The following MTERF3 variants were observed in gnomAD, a reference collection of about 807,000 sequenced individuals.
MTERF3 encodes the protein transcription termination factor 3, mitochondrial.
MTERF3 carries 40 observed loss-of-function variants against 40.5 expected under a neutral mutation model. That is an observed-to-expected ratio of 0.99 (90% confidence interval 0.77 to 1.29). The LOEUF is 1.29. Ranked by LOEUF, MTERF3 falls within the 50% of genes most tolerant of loss-of-function variation. MTERF3 has a pLI of 0.00. For synonymous variants in MTERF3, 158 were observed against 166.6 expected (o/e 0.95, Z 0.40); for missense variants, 452 against 478.2 (o/e 0.95, Z 0.51).
intron 7 of MTERF3, among the ~76,000 whole-genome samples, chr8:96,242,723 G>T (rs1455660694): frequency 6.6e-6 from 1 of 152,098 alleles, no homozygotes; most frequent in Non-Finnish European, 1.5e-5. Flanking sequence ...AATCACTGTA[G>T]GAGCTCTGGT....
chr8:96,242,257 G>A (rs184333972), intron 7 of MTERF3, among the ~76,000 whole-genome samples: 2 of 152,086 alleles, frequency 1.3e-5, no homozygotes, highest in East Asian at 1.9e-4. Context: ...ATCCCAATTT[G>A]GAAGCCACAA....
At chr8:96,256,278 CAGG>C (rs989839242) in intron 3 of MTERF3, among the ~76,000 whole-genome samples, 1 of 152,132 alleles carries the variant, frequency 6.6e-6, no homozygotes, top group Non-Finnish European at 1.5e-5. Flanking sequence ...CCATTCAAAT[CAGG>C]AGGACAGTGG....
At chr8:96,241,201 A>C (rs1460042698) in intron 7 of MTERF3, among the ~76,000 whole-genome samples, 3 of 151,970 alleles carry the variant, frequency 2.0e-5, no homozygotes, top group Non-Finnish European at 4.4e-5. Flanking sequence ...CACGAAGTCA[A>C]GAGTTTGAGA....
intron 3 of MTERF3, among the ~76,000 whole-genome samples, chr8:96,255,253 G>C (rs1412854076): frequency 6.6e-6 from 1 of 152,206 alleles, no homozygotes; most frequent in African/African-American, 2.4e-5. Context: ...TAGGATGAGA[G>C]AAGTGGATGG....
rs1434997920 is a variant in MTERF3 at position 96,239,510 on chromosome 8, T to G, written c.1235A>C (p.Lys412Thr). 1 of 1,594,856 alleles carries G rather than the reference T, an allele frequency of 6.3e-7. No homozygotes were observed. The highest frequency in any genetic ancestry group is 2.2e-5 in the East Asian group (1 of 44,660). ...IAKASVQDFE[K>T]FLKTL ...AAAAATCTAAAGCGTTTTTAAGAATTTTTCAAAGTCCTGTACTGATGCTTT... is the reference window on the plus strand; with the variant it reads ...AAAAATCTAAAGCGTTTTTAAGAATGTTTCAAAGTCCTGTACTGATGCTTT... Residue 412 changes from lysine to threonine, a missense_variant, in exon 8 of 8, where the codon AAA (lysine) becomes ACA (threonine). Transcript: ENST00000287025.
chr8:96,255,298 A>G (rs572729286), intron 3 of MTERF3, among the ~76,000 whole-genome samples: 5 of 152,296 alleles, frequency 3.3e-5, no homozygotes, highest in Admixed American at 3.3e-4. Flanking sequence ...AATCCATAGG[A>G]TAAGCTATTA....
At chr8:96,248,716 C>G (rs1167470253) in intron 4 of MTERF3, among the ~76,000 whole-genome samples, 4 of 151,692 alleles carry the variant, frequency 2.6e-5, no homozygotes, top group Admixed American at 2.0e-4. Context: ...ATAAGGCCCA[C>G]CCAACCAAAA....
chr8:96,251,098 A>C lies in MTERF3; in HGVS notation c.488-3T>G, dbSNP rs1810177387. 1 of 1,565,604 alleles carries C rather than the reference A, an allele frequency of 6.4e-7. No homozygotes were observed. The highest frequency in any genetic ancestry group is 1.4e-5 in the African/African-American group (1 of 71,698). On this transcript the variant is annotated splice_region_variant and splice_polypyrimidine_tract_variant and intron_variant, in intron 3 of 7. Coordinates refer to ENST00000287025, the MANE Select transcript of MTERF3 (RefSeq NM_015942.5). ...TTCTATCTTGGACAAATCCACGCCTATAATAAATTATAAATACTGTTTGAA... is the reference window on the plus strand; with the variant it reads ...TTCTATCTTGGACAAATCCACGCCTCTAATAAATTATAAATACTGTTTGAA...
intron 3 of MTERF3, among the ~76,000 whole-genome samples, chr8:96,254,166 A>G (rs1810239728): frequency 6.6e-6 from 1 of 152,188 alleles, no homozygotes; most frequent in African/African-American, 2.4e-5. Flanking sequence ...TTTTTAAATT[A>G]TATGTTTATG....
chr8:96,259,888 AT>A (rs1490516832), intron 1 of MTERF3, among the ~76,000 whole-genome samples: 1 of 151,628 alleles, frequency 6.6e-6, no homozygotes, highest in Admixed American at 6.6e-5. Context: ...TCATTCTGCA[AT>A]TATTTATTAT....
At chr8:96,250,100 T>G (rs1810096677) in intron 4 of MTERF3, among the ~76,000 whole-genome samples, 1 of 152,166 alleles carries the variant, frequency 6.6e-6, no homozygotes, top group Non-Finnish European at 1.5e-5. Context: ...TCAATAATTC[T>G]TTGAATGTTG....
At chr8:96,250,084 A>G (rs527789423) in intron 4 of MTERF3, among the ~76,000 whole-genome samples, 264 of 152,258 alleles carry the variant, frequency 1.7e-3, no homozygotes, top group Non-Finnish European at 2.6e-3. Flanking sequence ...ATTTATTTTC[A>G]CAAATTCAAT....
At chr8:96,258,232 G>A (rs2129949890) in intron 2 of MTERF3, 125 bp downstream of exon 2, 2 of 1,411,938 alleles carry the variant, frequency 1.4e-6, no homozygotes, top group Admixed American at 5.8e-5. Flanking sequence ...CAATAGAACT[G>A]GTATTATTCT....
chr8:96,247,534 T>C (rs1175662719), intron 4 of MTERF3, among the ~76,000 whole-genome samples: 7 of 152,192 alleles, frequency 4.6e-5, no homozygotes, highest in Non-Finnish European at 7.4e-5. Context: ...GAATTTTCCA[T>C]GAGGAAACAT....
At position 96,243,991 on chromosome 8, in the gene MTERF3, T is replaced by G. The variant is rs766739931; in HGVS notation, c.987A>C (p.Lys329Asn). ...GCACAAAATCAAACGTCTCGGTAAG[T>G]TTCATTTTATTTGCAGTTAACATCT... ...IPKMLTANKMKLTETFDFVHN... is the reference protein window; with the variant it reads ...IPKMLTANKMNLTETFDFVHN... The change falls in exon 7 of 8, where the codon AAA (lysine) becomes AAC (asparagine). Residue 329 changes from lysine to asparagine, a missense_variant. By Grantham distance (94) the Lys-to-Asn change is moderately conservative. Transcript: ENST00000287025. 6.2e-7 allele frequency: 1 copy of G among 1,614,156 alleles called. No homozygotes were observed. The highest frequency in any genetic ancestry group is 8.5e-7 in the Non-Finnish European group (1 of 1,179,992).
In MTERF3 at chr8:96,254,474, T is replaced by C. The variant is rs186438968; in HGVS notation, c.487+2488A>G. ...CTCTGCTCCTATGAGTTCAACTTTT[T>C]TAGCTTTCATATATAAGTGAGATCA... On this transcript the variant is annotated intron_variant, in intron 3 of 7. Transcript: ENST00000287025. Among the ~76,000 whole-genome samples the C allele has an allele frequency of 4.7e-3, 721 of 152,320 alleles. 4 individuals are homozygous for C. The highest frequency in any genetic ancestry group is 0.016 in the African/African-American group (672 of 41,566).
chr8:96,240,332 C>T (rs937244316), intron 7 of MTERF3, among the ~76,000 whole-genome samples: 4 of 151,872 alleles, frequency 2.6e-5, no homozygotes, highest in Middle Eastern at 3.5e-3. Flanking sequence ...AGAAATCTGT[C>T]TTAACAAGCC....
intron 7 of MTERF3, 123 bp from the exon 8 acceptor site, chr8:96,239,808 G>A (rs1425710012): frequency 4.1e-6 from 3 of 734,322 alleles, no homozygotes; most frequent in East Asian, 2.7e-5. Flanking sequence ...TGTTCAGTAA[G>A]TAGGATAAAT....
In MTERF3 at chr8:96,239,569, A is replaced by G; in HGVS notation, c.1176T>C (p.Ser392=). ...PNYISLDKLV[S]IPDEIFCEEI... ...CTTCACAAAATATTTCATCAGGAAT[A>G]GATACTAGTTTGTCCAAAGAGATGT... is the stretch of plus-strand genomic sequence containing the variant. The change falls in exon 8 of 8, where the codon TCT becomes TCC. Residue 392 remains serine, a synonymous_variant. Transcript: ENST00000287025. The G allele has an allele frequency of 6.2e-7, 1 of 1,613,248 alleles. No individual in the cohort carries two copies. Among genetic ancestry groups the G allele is most frequent in the South Asian group, 1.1e-5 (1 of 90,988 alleles).
Sources: allele counts gnomAD v4.1 joint callset (sites outside exome capture counted in the v4.1 genomes callset), GRCh38; gene constraint gnomAD v4.1.1; transcripts MANE v1.5; gene names NCBI Gene and HGNC (gene_info 2026-07-23, HGNC 2026-07-21).